FUBP3: variants seen among roughly 807,000 people sequenced by gnomAD.
The protein encoded by FUBP3 is far upstream element-binding protein 3.
A neutral mutation model predicts 85.6 loss-of-function variants in FUBP3; 28 were observed. That is an observed-to-expected ratio of 0.33 (90% CI 0.24 to 0.45). The LOEUF (loss-of-function observed/expected upper bound fraction) is 0.45. FUBP3 is among the 20% of genes least tolerant of loss of function. The probability of loss-of-function intolerance (pLI) is 1.00; values close to 1 mark genes in which losing one functional copy is unlikely to be tolerated. For missense variants in FUBP3, 583 were observed against 755.1 expected (o/e 0.77, Z 2.67); for synonymous variants, 271 against 271.4 (o/e 1.00, Z 0.01).
At chr9:130,630,227 A>G (rs1830157007) in intron 12 of FUBP3, among the ~76,000 whole-genome samples, 1 of 152,216 alleles carries the variant, frequency 6.6e-6, no homozygotes, top group Non-Finnish European at 1.5e-5. Flanking sequence ...TTGGCTCACC[A>G]TTCTTGTGCT....
chr9:130,628,827 T>G (rs1179660851), intron 12 of FUBP3, among the ~76,000 whole-genome samples: 5 of 152,192 alleles, frequency 3.3e-5, no homozygotes, highest in Non-Finnish European at 7.4e-5. Flanking sequence ...TGGAGTGCAG[T>G]GGCGTGATCA....
chr9:130,591,602 A>G (rs1830627916), intron 1 of FUBP3, among the ~76,000 whole-genome samples: 1 of 152,192 alleles, frequency 6.6e-6, no homozygotes, highest in African/African-American at 2.4e-5. Context: ...TAATTTATAC[A>G]TTGTAATGTT....
chr9:130,589,705 ATTTTT>A (rs779633795), intron 1 of FUBP3, among the ~76,000 whole-genome samples: 93 of 73,732 alleles, frequency 1.3e-3, no homozygotes, highest in South Asian at 2.4e-3. Flanking sequence ...ATATATATAT[ATTTTT>A]TTTTTTTTTT....
rs892310708 is a variant in FUBP3 at position 130,631,862 on chromosome 9, C to T, written c.1353-80C>T. On this transcript the variant is annotated intron_variant, in intron 14 of 18. Coordinates refer to ENST00000319725, the MANE Select transcript of FUBP3 (RefSeq NM_003934.2). ...GGGTCTTCTGTCCCGACTGCCCCCT[C>T]AGTGCCCTGGGGCTGCGGGGAGGGG... The T allele has an allele frequency of 6.4e-6, 7 of 1,086,426 alleles. No individual in the cohort carries two copies. In the Admixed American group the frequency reaches 6.9e-5, roughly 11 times the overall value. The allele number at this position is 1,086,426 out of a possible 1,614,324, so 67.3% of individuals were successfully genotyped here. A position where few individuals can be genotyped will look rare whatever the true frequency, so the allele number is the denominator to read the frequency against.
At chr9:130,589,675 GTATATATATATA>G (rs1170568300) in intron 1 of FUBP3, among the ~76,000 whole-genome samples, 7 of 34,312 alleles carry the variant, frequency 2.0e-4, no homozygotes, top group Non-Finnish European at 2.9e-4. Flanking sequence ...GTATGTGTGT[GTATATATATATA>G]TATATATATA....
intron 1 of FUBP3, among the ~76,000 whole-genome samples, chr9:130,580,143 C>G (rs1002425752): frequency 6.6e-6 from 1 of 152,236 alleles, no homozygotes; most frequent in Non-Finnish European, 1.5e-5. Context: ...AAGCAGCTGT[C>G]TGACGCCCAG....
chr9:130,622,143 T>G (rs1264979783), intron 9 of FUBP3, among the ~76,000 whole-genome samples: 2 of 150,820 alleles, frequency 1.3e-5, no homozygotes. Context: ...GCCAACATGG[T>G]GAAACCCCAT....
chr9:130,627,434 A>G (rs765626718), intron 12 of FUBP3, among the ~76,000 whole-genome samples: 9 of 152,204 alleles, frequency 5.9e-5, no homozygotes, highest in African/African-American at 9.6e-5. Flanking sequence ...CTCGTATTGG[A>G]TAGGCAGGAC....
At chr9:130,619,131 C>G (rs1832165759) in intron 8 of FUBP3, among the ~76,000 whole-genome samples, 1 of 152,188 alleles carries the variant, frequency 6.6e-6, no homozygotes, top group Non-Finnish European at 1.5e-5. Context: ...GTGCCTGCCT[C>G]TTGGCTGCCC....
At chr9:130,627,785 C>T (rs1830039216) in intron 12 of FUBP3, among the ~76,000 whole-genome samples, 1 of 152,224 alleles carries the variant, frequency 6.6e-6, no homozygotes, top group Non-Finnish European at 1.5e-5. Context: ...ATCTAGATTT[C>T]TTGGCCTTTT....
chr9:130,589,231 A>T (rs956059032), intron 1 of FUBP3, among the ~76,000 whole-genome samples: 11 of 152,104 alleles, frequency 7.2e-5, no homozygotes, highest in African/African-American at 2.7e-4. Context: ...ACTGGGAATA[A>T]TTAATTGTCA....
chr9:130,597,351 A>G (rs527273768), intron 2 of FUBP3, among the ~76,000 whole-genome samples: 3 of 152,338 alleles, frequency 2.0e-5, no homozygotes, highest in South Asian at 4.1e-4. Flanking sequence ...AGGGAAAGTT[A>G]GAAAGTTCAT....
intron 11 of FUBP3, 50 bp downstream of exon 11, chr9:130,623,761 G>A (rs1315966914): frequency 1.6e-6 from 2 of 1,268,974 alleles, no homozygotes; most frequent in Middle Eastern, 1.9e-4. Context: ...GAAGTGGAAA[G>A]TGCTACCCGG....
chr9:130,634,657 C>T lies in FUBP3; in HGVS notation c.1511-10C>T, dbSNP rs778690581. ...CGTAAGGCCTGACTGCTTTTGTGTT[C>T]TTCGCACAGGCCAGCAGAGCCAGCC... On this transcript the variant is annotated splice_polypyrimidine_tract_variant and intron_variant, in intron 16 of 18. Coordinates refer to ENST00000319725, the MANE Select transcript of FUBP3 (RefSeq NM_003934.2). The T allele has an allele frequency of 1.6e-5, 26 of 1,611,978 alleles. No homozygotes were observed. The East Asian group carries it at 4.7e-4, about 29-fold the overall frequency.
intron 2 of FUBP3, among the ~76,000 whole-genome samples, chr9:130,596,995 G>A (rs1830903452): frequency 6.6e-6 from 1 of 152,052 alleles, no homozygotes; most frequent in Non-Finnish European, 1.5e-5. Flanking sequence ...CTATCAAATA[G>A]TAGGTCTTAT....
chr9:130,589,705 A>ATATATATATAT (rs1414691549), intron 1 of FUBP3, among the ~76,000 whole-genome samples: 2 of 73,852 alleles, frequency 2.7e-5, no homozygotes, highest in Non-Finnish European at 4.6e-5. Context: ...ATATATATAT[A>ATATATATATAT]TTTTTTTTTT....
chr9:130,601,242 C>G (rs1312626927), intron 2 of FUBP3, among the ~76,000 whole-genome samples: 1 of 152,174 alleles, frequency 6.6e-6, no homozygotes, highest in Non-Finnish European at 1.5e-5. Flanking sequence ...AAACAAGTCT[C>G]CCGTCTCATG....
chr9:130,583,162 A>T (rs1830205078), intron 1 of FUBP3, among the ~76,000 whole-genome samples: 2 of 151,726 alleles, frequency 1.3e-5, no homozygotes, highest in South Asian at 2.1e-4. Context: ...TTAGGCCCGA[A>T]CCTCTTCTTC....
At chr9:130,588,828 T>C (rs550610043) in intron 1 of FUBP3, among the ~76,000 whole-genome samples, 42 of 152,334 alleles carry the variant, frequency 2.8e-4, no homozygotes, top group African/African-American at 1.0e-3. Context: ...TAGGAACTTG[T>C]TCTTTGCCAC....
Sources: allele counts gnomAD v4.1 joint callset (sites outside exome capture counted in the v4.1 genomes callset), GRCh38; gene constraint gnomAD v4.1.1; transcripts MANE v1.5; gene names NCBI Gene and HGNC (gene_info 2026-07-23, HGNC 2026-07-21).